The following LHPP variants were observed in gnomAD, a reference collection of about 807,000 sequenced individuals.
The protein encoded by LHPP is phospholysine phosphohistidine inorganic pyrophosphate phosphatase, also known as hLHPP.
A neutral mutation model predicts 30.3 loss-of-function variants in LHPP; 24 were observed. The ratio of observed to expected loss-of-function variants is 0.79; its 90% CI spans 0.57 to 1.11. LHPP has a LOEUF of 1.11. LHPP is among the 50% of genes most tolerant of loss of function. The probability of loss-of-function intolerance (pLI) is 0.00; values close to 1 mark genes in which losing one functional copy is unlikely to be tolerated. For missense variants in LHPP, 356 were observed against 367.2 expected, an observed-to-expected ratio of 0.97 and a Z score of 0.25; for synonymous variants, 150 against 157.1, an observed-to-expected ratio of 0.95 and a Z score of 0.34.
At chr10:124,602,019 G>T (rs1949029502) in intron 6 of LHPP, among the ~76,000 whole-genome samples, 1 of 152,212 alleles carries the variant, frequency 6.6e-6, no homozygotes, top group Admixed American at 6.5e-5. Flanking sequence ...CCTCTTCGTA[G>T]TGCCCCAGCT....
At chr10:124,570,400 G>A (rs1040133385) in intron 6 of LHPP, among the ~76,000 whole-genome samples, 2 of 152,208 alleles carry the variant, frequency 1.3e-5, no homozygotes, top group Non-Finnish European at 2.9e-5. Flanking sequence ...GGGGACAGTC[G>A]GTGAGCTGAG....
intron 1 of LHPP, among the ~76,000 whole-genome samples, chr10:124,467,785 G>A (rs924724179): frequency 2.0e-5 from 3 of 151,790 alleles, no homozygotes; most frequent in Admixed American, 1.3e-4. Context: ...GTATGATCTC[G>A]GCTCACTGCA....
intron 1 of LHPP, among the ~76,000 whole-genome samples, chr10:124,474,944 T>C (rs987513937): frequency 2.0e-5 from 3 of 152,160 alleles, no homozygotes; most frequent in African/African-American, 7.2e-5. Context: ...ACAGTGGGTT[T>C]GTCAGAGACG....
At chr10:124,586,186 A>AG (rs1453671507) in intron 6 of LHPP, among the ~76,000 whole-genome samples, 1 of 152,232 alleles carries the variant, frequency 6.6e-6, no homozygotes, top group Non-Finnish European at 1.5e-5. Flanking sequence ...TGAACCCTGA[A>AG]GGACCGTGCC....
At chr10:124,554,548 C>T (rs1948255548) in intron 6 of LHPP, among the ~76,000 whole-genome samples, 2 of 152,240 alleles carry the variant, frequency 1.3e-5, no homozygotes, top group Admixed American at 6.5e-5. Flanking sequence ...GCATGCAGTG[C>T]TTAGCCTAGT....
chr10:124,584,363 C>CAA (rs71484569), intron 6 of LHPP, among the ~76,000 whole-genome samples: 12 of 98,414 alleles, frequency 1.2e-4, no homozygotes, highest in African/African-American at 2.1e-4. Flanking sequence ...GACTCTGTCT[C>CAA]AAAAAAAAAA....
intron 1 of LHPP, 116 bp downstream of exon 1, chr10:124,462,103 G>A: frequency 1.0e-6 from 1 of 985,784 alleles, no homozygotes; most frequent in South Asian, 5.1e-5. Context: ...GCCCCGCCTC[G>A]GTCTCCCCCT....
At chr10:124,552,346 A>T (rs1948183985) in intron 6 of LHPP, among the ~76,000 whole-genome samples, 1 of 152,080 alleles carries the variant, frequency 6.6e-6, no homozygotes, top group Admixed American at 6.6e-5. Context: ...AATCCAGGCA[A>T]CCCAGGCTGA....
intron 1 of LHPP, among the ~76,000 whole-genome samples, chr10:124,476,610 A>C (rs575605606): frequency 6.6e-6 from 1 of 152,282 alleles, no homozygotes; most frequent in African/African-American, 2.4e-5. Context: ...GTGGTCCCCC[A>C]GCCCAAGCTG....
intron 6 of LHPP, among the ~76,000 whole-genome samples, chr10:124,521,368 G>A (rs183128404): frequency 7.2e-4 from 109 of 152,356 alleles, no homozygotes; most frequent in African/African-American, 2.5e-3. Context: ...ACCTCAGCAC[G>A]GCCCCATTCT....
chr10:124,480,085 G>C (rs567968979), intron 1 of LHPP, among the ~76,000 whole-genome samples: 21 of 152,222 alleles, frequency 1.4e-4, no homozygotes, highest in African/African-American at 4.8e-4. Flanking sequence ...GTATAATGTT[G>C]TATTAATATT....
At chr10:124,588,555 G>A (rs548894956) in intron 6 of LHPP, among the ~76,000 whole-genome samples, 6 of 152,284 alleles carry the variant, frequency 3.9e-5, no homozygotes, top group South Asian at 4.1e-4. Flanking sequence ...GATTACAGGC[G>A]TGAGCCACAG....
Position 124,517,072 on chromosome 10 carries a change from G to A in LHPP, c.625-108G>A. On this transcript the variant is annotated intron_variant, in intron 5 of 6. Coordinates refer to ENST00000368842, the MANE Select transcript of LHPP (RefSeq NM_022126.4). The surrounding 1 kb of genome is among the most constrained non-coding windows in gnomAD (Gnocchi z 4.1). ...TATCTTGTTTAATTTGTATGATGGT[G>A]GTTGTAAACATCAAATCAAGCCATT... 1 of 655,462 alleles carries A rather than the reference G, an allele frequency of 1.5e-6. No homozygotes were observed. The highest frequency in any genetic ancestry group is 2.0e-5 in the South Asian group (1 of 49,874). 40.6% of individuals were successfully genotyped at this position (655,462 alleles called of 1,614,324 possible). A position where few individuals can be genotyped will look rare whatever the true frequency, so the allele number is the denominator to read the frequency against.
intron 1 of LHPP, among the ~76,000 whole-genome samples, chr10:124,471,267 G>A (rs1468643862): frequency 1.3e-5 from 2 of 150,688 alleles, no homozygotes; most frequent in Non-Finnish European, 2.9e-5. Context: ...CATGTGTTTG[G>A]TTAGTCACAG....
At chr10:124,565,261 G>A (rs1168212592) in intron 6 of LHPP, among the ~76,000 whole-genome samples, 1 of 152,144 alleles carries the variant, frequency 6.6e-6, no homozygotes, top group Non-Finnish European at 1.5e-5. Context: ...GTTGCAGTAG[G>A]GGGTTTTGTT....
Position 124,596,319 on chromosome 10 carries a change from C to A in LHPP, c.717-16945C>A, listed in dbSNP as rs1352998245. On this transcript the variant is annotated intron_variant, in intron 6 of 6. Coordinates refer to ENST00000368842, the MANE Select transcript of LHPP (RefSeq NM_022126.4). This position sits in a 1 kb window ranked among gnomAD's most constrained non-coding sequence, Gnocchi z 4.6. The stretch of plus-strand genomic sequence containing the variant: ...ATTCATGTGTTTAGTGTAGGAGACT[C>A]TTGCCAAACATTTCTCCAGAGTGTC... Among the ~76,000 whole-genome samples, 1 of 152,108 alleles carries A rather than the reference C, an allele frequency of 6.6e-6. No individual in the cohort carries two copies. Among genetic ancestry groups the A allele is most frequent in the African/African-American group, 2.4e-5 (1 of 41,388 alleles).
At chr10:124,574,877 C>G (rs535764019) in intron 6 of LHPP, among the ~76,000 whole-genome samples, 1 of 152,096 alleles carries the variant, frequency 6.6e-6, no homozygotes, top group Non-Finnish European at 1.5e-5. Context: ...CACTGCTGTC[C>G]TTCTCCACTC....
At chr10:124,553,705 C>T (rs1015535849) in intron 6 of LHPP, among the ~76,000 whole-genome samples, 42 of 152,216 alleles carry the variant, frequency 2.8e-4, no homozygotes, top group African/African-American at 9.4e-4. Flanking sequence ...GTGATCCGCC[C>T]GCCTCGGCCT....
At chr10:124,488,843 AG>A (rs1312164775) in intron 3 of LHPP, among the ~76,000 whole-genome samples, 1 of 152,222 alleles carries the variant, frequency 6.6e-6, no homozygotes, top group Non-Finnish European at 1.5e-5. Context: ...GCGTCATTGC[AG>A]AGGGAGACCC....
Sources: gnomAD v4.1 joint callset for allele counts (sites outside exome capture counted in the v4.1 genomes callset) on GRCh38, gnomAD v4.1.1 for gene constraint, Gnocchi (gnomAD v3.1) non-coding constraint, MANE v1.5 for transcripts, NCBI Gene and HGNC (gene_info 2026-07-23, HGNC 2026-07-21) for gene names.